UGT2B15: variants seen among roughly 807,000 people sequenced by gnomAD.
UGT2B15 encodes UDP glucuronosyltransferase family 2 member B15, also known as UDP-glucuronosyltransferase 2B15.
Under a neutral mutation model 45.9 loss-of-function variants are expected in UGT2B15, and 36 were observed. That is an observed-to-expected ratio of 0.78 (90% CI 0.60 to 1.04). UGT2B15 has a LOEUF of 1.04. UGT2B15 is among the 50% of genes least tolerant of loss of function. UGT2B15 has a pLI of 0.00. For missense variants in UGT2B15, 617 were observed against 622.4 expected (o/e 0.99, Z 0.09); for synonymous variants, 219 against 216.4 (o/e 1.01, Z -0.11).
Position 68,665,420 on chromosome 4 carries a change from C to T in UGT2B15, c.874-2281G>A, listed in dbSNP as rs568051519. Among the ~76,000 whole-genome samples, 63 of 152,098 alleles carry T rather than the reference C, an allele frequency of 4.1e-4. No individual in the cohort carries two copies. The South Asian group carries it at 0.011, about 28-fold the overall frequency. ...AAAAGGATTGTAATGGCTTGGTATG[C>T]ACATTATGTAAGTTTTTAACCATTT... On this transcript the variant is annotated intron_variant, in intron 2 of 5. Coordinates refer to ENST00000338206, the MANE Select transcript of UGT2B15 (RefSeq NM_001076.4).
chr4:68,660,568 T>C (rs1332071080), intron 3 of UGT2B15, among the ~76,000 whole-genome samples: 1 of 151,612 alleles, frequency 6.6e-6, no homozygotes, highest in Non-Finnish European at 1.5e-5. Context: ...AGTTGTACCA[T>C]GGTTTGTCTT....
At chr4:68,649,499 C>G (rs990654050) in intron 5 of UGT2B15, among the ~76,000 whole-genome samples, 2 of 151,580 alleles carry the variant, frequency 1.3e-5, no homozygotes, top group Non-Finnish European at 2.9e-5. Context: ...AGGCTGGTCT[C>G]TTAACTCCTG....
chr4:68,662,186 A>G (rs533402687), intron 3 of UGT2B15, among the ~76,000 whole-genome samples: 58 of 152,232 alleles, frequency 3.8e-4, no homozygotes, highest in Middle Eastern at 3.4e-3. Context: ...ATTAGAAAAT[A>G]AGTTCCTACC....
Position 68,655,113 on chromosome 4 carries a change from G to A in UGT2B15, c.1075C>T (p.Pro359Ser). 6.2e-7 allele frequency: 1 copy of A among 1,613,150 alleles called. No homozygotes were observed. Among genetic ancestry groups the A allele is most frequent in the Non-Finnish European group, 8.5e-7 (1 of 1,179,542 alleles). The change falls in exon 4 of 6, where the codon CCC becomes TCC. Residue 359 changes from proline to serine, a missense_variant. Physicochemically the swap from Pro to Ser is moderately conservative, Grantham distance 74. This residue lies in a region of UGT2B15 where 265 missense variants were observed against 245.1 expected (regional missense o/e 1.08). Coordinates refer to ENST00000338206, the MANE Select transcript of UGT2B15 (RefSeq NM_001076.4). ...ATCTTACCAAGAAGGTCATTCTGGG[G>A]TAACCACTTGTACAGTCGAGTATTG... ...GSNTRLYKWL[P>S]QNDLLGHPKT...
At chr4:68,652,579 T>C (rs1202644233) in intron 5 of UGT2B15, among the ~76,000 whole-genome samples, 2 of 151,772 alleles carry the variant, frequency 1.3e-5, no homozygotes, top group Non-Finnish European at 2.9e-5. Context: ...GTAGGAGTAA[T>C]AGACTCTGAA....
intron 5 of UGT2B15, among the ~76,000 whole-genome samples, chr4:68,650,418 T>C (rs1732619290): frequency 6.6e-6 from 1 of 152,106 alleles, no homozygotes; most frequent in African/African-American, 2.4e-5. Flanking sequence ...TCTGTTCCTG[T>C]GTTAGTTGCT....
At chr4:68,668,215 A>T in intron 1 of UGT2B15, 27 bp from the exon 2 acceptor site, 1 of 1,605,882 alleles carries the variant, frequency 6.2e-7, no homozygotes. Flanking sequence ...AAACAAAACA[A>T]AAGGTAGCTA....
chr4:68,652,416 A>T (rs1732683536), intron 5 of UGT2B15, among the ~76,000 whole-genome samples: 1 of 151,330 alleles, frequency 6.6e-6, no homozygotes, highest in Non-Finnish European at 1.5e-5. Flanking sequence ...TTCTATATAT[A>T]TATATATTTT....
chr4:68,654,256 C>A lies in UGT2B15; in HGVS notation c.1094G>T (p.Gly365Val), dbSNP rs775943696. 6.8e-6 allele frequency: 11 copies of A among 1,610,290 alleles called. No individual in the cohort carries two copies. The highest frequency in any genetic ancestry group is 5.0e-5 in the Admixed American group (3 of 59,490). Residue 365 changes from glycine to valine, a missense_variant and splice_region_variant, in exon 5 of 6, where the codon GGT becomes GTT. Physicochemically the swap from Gly to Val is moderately radical, Grantham distance 109 (BLOSUM62 -3). Coordinates refer to ENST00000338206, the MANE Select transcript of UGT2B15 (RefSeq NM_001076.4). ...YKWLPQNDLL[G>V]HPKTKAFITH... ...TATAAAAGCTTTGGTTTTGGGATGACCTAAAAGTGGATGCATTTTAACAAA... is the reference window on the plus strand; with the variant it reads ...TATAAAAGCTTTGGTTTTGGGATGAACTAAAAGTGGATGCATTTTAACAAA...
chr4:68,660,717 G>A (rs1732938823), intron 3 of UGT2B15, among the ~76,000 whole-genome samples: 1 of 151,912 alleles, frequency 6.6e-6, no homozygotes, highest in South Asian at 2.1e-4. Context: ...ATTTTTCATG[G>A]CGACACGTCT....
intron 5 of UGT2B15, among the ~76,000 whole-genome samples, chr4:68,649,273 C>CTTTTTTTTTTT (rs71218976): frequency 1.1e-5 from 1 of 93,260 alleles, no homozygotes; most frequent in African/African-American, 4.1e-5. Context: ...TTCATATAAT[C>CTTTTTTTTTTT]TTTTTTTTTT....
intron 3 of UGT2B15, among the ~76,000 whole-genome samples, chr4:68,661,704 C>T (rs1560608716): frequency 2.0e-5 from 3 of 152,162 alleles, no homozygotes; most frequent in South Asian, 4.2e-4. Flanking sequence ...CATTTGCTAA[C>T]TATCAAGTGC....
chr4:68,669,225 T>A (rs4148258), intron 1 of UGT2B15, among the ~76,000 whole-genome samples: 30,923 of 152,092 alleles, frequency 0.2, 3,828 homozygotes, highest in South Asian at 0.38. Flanking sequence ...TCCCTTAATT[T>A]GGCCCCTATT....
chr4:68,653,730 T>C (rs1359906172), intron 5 of UGT2B15, among the ~76,000 whole-genome samples: 1 of 152,036 alleles, frequency 6.6e-6, no homozygotes, highest in Middle Eastern at 3.2e-3. Context: ...AAATATCATA[T>C]TTCTCTAGTT....
rs1172541798 is a variant in UGT2B15 at position 68,655,082 on chromosome 4, T to A, written c.1093+13A>T. On this transcript the variant is annotated intron_variant, in intron 4 of 5. Coordinates refer to ENST00000338206, the MANE Select transcript of UGT2B15 (RefSeq NM_001076.4). ...TTACTAATATATTCACTGTTTGTTC[T>A]CCAGAATCTTACCAAGAAGGTCATT... The A allele has an allele frequency of 7.4e-6, 12 of 1,611,404 alleles. No individual in the cohort carries two copies. The highest frequency in any genetic ancestry group is 1.7e-6 in the Non-Finnish European group (2 of 1,178,508).
intron 5 of UGT2B15, among the ~76,000 whole-genome samples, chr4:68,649,743 T>C (rs570997709): frequency 6.8e-4 from 104 of 152,264 alleles, no homozygotes; most frequent in African/African-American, 2.4e-3. Flanking sequence ...TTTATCTCCT[T>C]AAATAAAATA....
Position 68,650,995 on chromosome 4 carries a change from GTTTT to G in UGT2B15, c.1313+3038_1313+3041del, listed in dbSNP as rs376333738. Among the ~76,000 whole-genome samples, 90 of 117,586 alleles carry G rather than the reference GTTTT, an allele frequency of 7.7e-4. 1 individual carries two copies. The highest frequency in any genetic ancestry group is 6.3e-4 in the Admixed American group (7 of 11,076). The allele number at this position is 117,586 out of a possible 152,430, so 77.1% of individuals were successfully genotyped here. The stretch of plus-strand genomic sequence containing the variant: ...CTTTTGCCCACTTTTTGATGGTGTT[GTTTT>G]TTTTTTTTTTTTTGTAAATTTGTTT... On this transcript the variant is annotated intron_variant, in intron 5 of 5. Transcript: ENST00000338206.
chr4:68,656,287 G>T (rs35529523), intron 3 of UGT2B15, among the ~76,000 whole-genome samples: 78,246 of 151,674 alleles, frequency 0.52, 22,570 homozygotes, highest in Non-Finnish European at 0.65. Flanking sequence ...AAACCCATCC[G>T]TAGGTAAACA....
Position 68,668,020 on chromosome 4 carries a change from T to C in UGT2B15, c.873+20A>G. 6.2e-7 allele frequency: 1 copy of C among 1,611,602 alleles called. No individual in the cohort carries two copies. The highest frequency in any genetic ancestry group is 1.7e-5 in the Admixed American group (1 of 59,302). On this transcript the variant is annotated intron_variant, in intron 2 of 5. Transcript: ENST00000338206. ...CTTCTGAAAATGTCAAGCAAACAAA[T>C]GAAACAAGAATACATTTACCTTAGG...
Sources: allele counts gnomAD v4.1 joint callset (sites outside exome capture counted in the v4.1 genomes callset), GRCh38; gene constraint gnomAD v4.1.1; regional missense constraint gnomAD v4.1.1; transcripts MANE v1.5; gene names NCBI Gene and HGNC (gene_info 2026-07-23, HGNC 2026-07-21).